The following EIF2AK1 variants were observed in gnomAD, a reference collection of about 807,000 sequenced individuals.
EIF2AK1 encodes eukaryotic translation initiation factor 2-alpha kinase 1.
Under a neutral mutation model 77.9 loss-of-function variants are expected in EIF2AK1, and 54 were observed. The observed-to-expected ratio is 0.69, with a 90% CI of 0.56 to 0.87. EIF2AK1 has a LOEUF of 0.87. Ranked by LOEUF, EIF2AK1 falls within the 40% of genes least tolerant of loss-of-function variation. The pLI, the probability that EIF2AK1 is intolerant of heterozygous loss-of-function variation, is 0.00. For missense variants in EIF2AK1, 810 were observed against 768.6 expected, an observed-to-expected ratio of 1.05 and a Z score of -0.64; for synonymous variants, 314 against 290.5, an observed-to-expected ratio of 1.08 and a Z score of -0.82.
chr7:6,031,682 CG>C (rs1156434452), intron 11 of EIF2AK1: 1 of 1,300,336 alleles, frequency 7.7e-7, no homozygotes, highest in Non-Finnish European at 1.1e-6. Flanking sequence ...ACTAAGCTCA[CG>C]GCCCTTATGA....
Position 6,038,603 on chromosome 7 carries a change from G to A in EIF2AK1, c.1188C>T (p.Val396=), listed in dbSNP as rs767052621. 18 of 1,613,010 alleles carry A rather than the reference G, an allele frequency of 1.1e-5. 1 individual carries two copies. The highest frequency in any genetic ancestry group is 5.0e-5 in the Admixed American group (3 of 59,862). The part of the protein sequence containing the change: ...LCELSLWDWI[V]ERNKRGREYV... The stretch of plus-strand genomic sequence containing the variant: ...ACTCCCGGCCCCGCTTGTTTCTCTC[G>A]ACTATCCAATCCCACAGCGAGAGCT... Residue 396 remains valine (V), a synonymous_variant, in exon 10 of 15, where the codon GTC becomes GTT. Coordinates refer to ENST00000199389, the MANE Select transcript of EIF2AK1 (RefSeq NM_014413.4).
At chr7:6,055,153 A>G (rs747477389) in intron 1 of EIF2AK1, among the ~76,000 whole-genome samples, 25 of 151,342 alleles carry the variant, frequency 1.7e-4, no homozygotes, top group Non-Finnish European at 3.1e-4. Flanking sequence ...GACCAGCCTG[A>G]CCAACATGGA....
rs1009516207 is a variant in EIF2AK1 at position 6,032,474 on chromosome 7, T to C, written c.1333-3442A>G. Reference sequence around the variant, plus strand: ...ACGACTTTGGCAACGACACAGCACCTACTTGTCCATCACCCTGTGGGTTAA... The same window carrying C: ...ACGACTTTGGCAACGACACAGCACCCACTTGTCCATCACCCTGTGGGTTAA... On this transcript the variant is annotated intron_variant, in intron 11 of 14. Transcript: ENST00000199389. The surrounding 1 kb of genome is among the most constrained non-coding windows in gnomAD (Gnocchi z 4.3). Among the ~76,000 whole-genome samples the C allele has an allele frequency of 6.6e-6, 1 of 152,246 alleles. No individual in the cohort carries two copies. The highest frequency in any genetic ancestry group is 1.5e-5 in the Non-Finnish European group (1 of 68,048).
In EIF2AK1 at chr7:6,023,195, C is replaced by A; in HGVS notation, c.*1478G>T. 7.7e-7 allele frequency: 1 copy of A among 1,298,646 alleles called. No individual in the cohort carries two copies. Among genetic ancestry groups the A allele is most frequent in the Non-Finnish European group, 1.0e-6 (1 of 957,470 alleles). The allele number at this position is 1,298,646 out of a possible 1,614,324, so 80.4% of individuals were successfully genotyped here. ...GATGTTCTTCTTGAAAACACCCTTTCCCATGTCATCAGTCTGTGGTGTTTG... is the reference window on the plus strand; with the variant it reads ...GATGTTCTTCTTGAAAACACCCTTTACCATGTCATCAGTCTGTGGTGTTTG... On this transcript the variant is annotated 3_prime_UTR_variant, in exon 15 of 15. Coordinates refer to ENST00000199389, the MANE Select transcript of EIF2AK1 (RefSeq NM_014413.4).
chr7:6,056,613 A>AAAAAAAAAAAAAAT, intron 1 of EIF2AK1, among the ~76,000 whole-genome samples: 1 of 43,730 alleles, frequency 2.3e-5, no homozygotes, highest in African/African-American at 8.2e-5. Context: ...AAAAAAAAAA[A>AAAAAAAAAAAAAAT]ATATATATAT....
intron 6 of EIF2AK1, 112 bp from the exon 7 acceptor site, chr7:6,044,773 G>A: frequency 1.2e-6 from 1 of 830,430 alleles, no homozygotes; most frequent in Non-Finnish European, 1.9e-6. Flanking sequence ...ACAATGGTAT[G>A]AAGACATCAC....
chr7:6,045,128 G>C (rs1788409740), intron 6 of EIF2AK1, among the ~76,000 whole-genome samples: 1 of 147,770 alleles, frequency 6.8e-6, no homozygotes. Context: ...TTTTTTTTGA[G>C]ACAGAGTCTC....
At chr7:6,028,109 T>G in intron 13 of EIF2AK1, 1 of 349,094 alleles carries the variant, frequency 2.9e-6, no homozygotes, top group Non-Finnish European at 5.7e-6. Flanking sequence ...TCTGTGGATT[T>G]TGAAATGGTA....
At chr7:6,034,844 C>G (rs538653237) in intron 11 of EIF2AK1, among the ~76,000 whole-genome samples, 1 of 152,320 alleles carries the variant, frequency 6.6e-6, no homozygotes, top group African/African-American at 2.4e-5. Flanking sequence ...GAATGAACTT[C>G]GGAATGACCA....
chr7:6,032,976 T>C lies in EIF2AK1; in HGVS notation c.1333-3944A>G, dbSNP rs1336019448. ...CCGAAAATCATTTCTTTTTTTTTCT[T>C]TTTTGTTTTGAGGCAGGGGTCTCGC... is the stretch of plus-strand genomic sequence containing the variant. On this transcript the variant is annotated intron_variant, in intron 11 of 14. Transcript: ENST00000199389. This position sits in a 1 kb window ranked among gnomAD's most constrained non-coding sequence, Gnocchi z 4.3. 2.6e-6 allele frequency: 4 copies of C among 1,519,328 alleles called. No homozygotes were observed. The highest frequency in any genetic ancestry group is 2.0e-5 in the Admixed American group (1 of 50,506). The allele number at this position is 1,519,328 out of a possible 1,614,324, so 94.1% of individuals were successfully genotyped here.
intron 2 of EIF2AK1, among the ~76,000 whole-genome samples, chr7:6,053,612 C>T (rs1162725005): frequency 6.6e-6 from 1 of 151,322 alleles, no homozygotes; most frequent in Non-Finnish European, 1.5e-5. Flanking sequence ...ATCCACCTGC[C>T]TCAGTCTCCC....
intron 11 of EIF2AK1, among the ~76,000 whole-genome samples, chr7:6,034,479 G>A (rs113853829): frequency 6.8e-4 from 104 of 152,036 alleles, no homozygotes; most frequent in African/African-American, 2.5e-3. Context: ...ATTCTCCTTA[G>A]GGGACCCTTT....
In EIF2AK1 at chr7:6,054,630, T is replaced by C. The variant is rs1788699892; in HGVS notation, c.193A>G (p.Asn65Asp). 6.2e-7 allele frequency: 1 copy of C among 1,614,184 alleles called. No homozygotes were observed. Residue 65 changes from asparagine to aspartate, a missense_variant, in exon 2 of 15, where the codon AAC becomes GAC. Physicochemically the swap from Asn to Asp is conservative, Grantham distance 23 (BLOSUM62 1). This residue lies in a region of EIF2AK1 where 246 missense variants were observed against 199.0 expected (regional missense o/e 1.24). Coordinates refer to ENST00000199389, the MANE Select transcript of EIF2AK1 (RefSeq NM_014413.4). ...QQPTFPFAVA[N>D]QLLLVSLLEH... ...AGCAAAGAAACCAGCAAGAGTTGGT[T>C]TGCAACTGCAAAAGGGAAGGTTGGC... is the stretch of plus-strand genomic sequence containing the variant.
chr7:6,031,434 T>C, intron 11 of EIF2AK1: 1 of 1,550,800 alleles, frequency 6.4e-7, no homozygotes, highest in Non-Finnish European at 8.7e-7. Context: ...GCCAAGTCCC[T>C]GGAAGATGGC....
At chr7:6,040,838 C>T in intron 9 of EIF2AK1, 54 bp downstream of exon 9, 1 of 1,439,524 alleles carries the variant, frequency 6.9e-7, no homozygotes, top group Non-Finnish European at 9.7e-7. Flanking sequence ...AGGCCACACA[C>T]CTGCACAGTC....
intron 2 of EIF2AK1, among the ~76,000 whole-genome samples, chr7:6,054,073 T>C (rs1463475010): frequency 6.6e-6 from 1 of 152,130 alleles, no homozygotes; most frequent in African/African-American, 2.4e-5. Flanking sequence ...ACTATATTTT[T>C]GTACCCATTA....
chr7:6,031,508 G>A lies in EIF2AK1; in HGVS notation c.1333-2476C>T, dbSNP rs1022769160. 17 of 1,550,462 alleles carry A rather than the reference G, an allele frequency of 1.1e-5. No individual in the cohort carries two copies. In the East Asian group the frequency reaches 1.2e-4, roughly 11 times the overall value. ...CATGAGAGAAGACTGCACTACGATC[G>A]AGGTACTCCTGAGAAATCACCCTGT... On this transcript the variant is annotated intron_variant, in intron 11 of 14. Coordinates refer to ENST00000199389, the MANE Select transcript of EIF2AK1 (RefSeq NM_014413.4).
chr7:6,047,167 G>A (rs139589480), intron 4 of EIF2AK1, 76 bp from the exon 5 acceptor site: 2 of 1,392,572 alleles, frequency 1.4e-6, no homozygotes, highest in Admixed American at 1.8e-5. Context: ...ATGCTCACAG[G>A]ATTACTAACC....
intron 6 of EIF2AK1, 123 bp from the exon 7 acceptor site, chr7:6,044,784 A>G (rs1173680962): frequency 2.7e-6 from 2 of 741,010 alleles, no homozygotes; most frequent in East Asian, 5.6e-5. Context: ...AAGACATCAC[A>G]ATTTTTGACA....
Sources: gnomAD v4.1 joint callset for allele counts (sites outside exome capture counted in the v4.1 genomes callset) on GRCh38, gnomAD v4.1.1 for gene constraint, gnomAD v4.1.1 regional missense constraint, Gnocchi (gnomAD v3.1) non-coding constraint, MANE v1.5 for transcripts, NCBI Gene and HGNC (gene_info 2026-07-23, HGNC 2026-07-21) for gene names.